SETDB2: variants seen among roughly 807,000 people sequenced by gnomAD.
SETDB2 encodes histone-lysine N-methyltransferase SETDB2.
SETDB2 carries 56 observed loss-of-function variants against 82.5 expected under a neutral mutation model. The ratio of observed to expected loss-of-function variants is 0.68; its 90% CI spans 0.55 to 0.85. The LOEUF is 0.85. SETDB2 is among the 40% of genes least tolerant of loss of function. The pLI is 0.00. For missense variants in SETDB2, 677 were observed against 816.4 expected, an observed-to-expected ratio of 0.83 and a Z score of 2.08; for synonymous variants, 272 against 284.9, an observed-to-expected ratio of 0.95 and a Z score of 0.46.
intron 3 of SETDB2, 53 bp downstream of exon 3, chr13:49,460,285 A>G (rs2138856914): frequency 1.9e-6 from 3 of 1,559,812 alleles, no homozygotes; most frequent in African/African-American, 2.7e-5. Flanking sequence ...TTTCTCTCTG[A>G]CAGTACAGTA....
At chr13:49,466,540 T>C (rs564175462) in intron 4 of SETDB2, among the ~76,000 whole-genome samples, 8 of 152,158 alleles carry the variant, frequency 5.3e-5, no homozygotes, top group Non-Finnish European at 1.0e-4. Flanking sequence ...TCATGTTACA[T>C]GAGTCCTCTT....
intron 2 of SETDB2, among the ~76,000 whole-genome samples, chr13:49,455,462 G>A (rs75823857): frequency 6.6e-6 from 1 of 152,076 alleles, no homozygotes; most frequent in Non-Finnish European, 1.5e-5. Context: ...TAAAATATTG[G>A]CTCAGTGAAT....
chr13:49,487,240 T>A (rs1295174898), intron 11 of SETDB2, among the ~76,000 whole-genome samples: 1 of 152,208 alleles, frequency 6.6e-6, no homozygotes, highest in East Asian at 1.9e-4. Flanking sequence ...CAAGTATAAT[T>A]TCTTTGCGCC....
In SETDB2 at chr13:49,492,445, G is replaced by A. The variant is rs1461729236; in HGVS notation, c.*596G>A. On this transcript the variant is annotated 3_prime_UTR_variant, in exon 14 of 14. Transcript: ENST00000611815. ...GGGAGAGGGAGAAGCTCTTCTGTAA[G>A]TAAGATTCTGGCAAGCTCTTTGAAA... 6.5e-6 allele frequency: 1 copy of A among 152,752 alleles called. No homozygotes were observed. The highest frequency in any genetic ancestry group is 1.5e-5 in the Non-Finnish European group (1 of 68,478). 9.5% of individuals were successfully genotyped at this position (152,752 alleles called of 1,614,324 possible). A position where few individuals can be genotyped will look rare whatever the true frequency, so the allele number is the denominator to read the frequency against.
intron 5 of SETDB2, among the ~76,000 whole-genome samples, chr13:49,471,007 T>G (rs141485424): frequency 1.2e-4 from 17 of 142,152 alleles, no homozygotes; most frequent in African/African-American, 3.5e-4. Context: ...TCTCACTGTC[T>G]CGCTGGGTGG....
At chr13:49,482,425 C>A in intron 8 of SETDB2, 2 of 582,474 alleles carry the variant, frequency 3.4e-6, no homozygotes, top group Non-Finnish European at 4.3e-6. Context: ...TGGCTAGAGT[C>A]ATCTCTCTAA....
intron 4 of SETDB2, among the ~76,000 whole-genome samples, chr13:49,465,067 C>A (rs901600146): frequency 8.4e-6 from 1 of 119,048 alleles, no homozygotes; most frequent in South Asian, 2.7e-4. Flanking sequence ...GAGTGAGACC[C>A]TGTCTAAAAA....
chr13:49,454,275 C>T (rs1594131491), intron 2 of SETDB2, among the ~76,000 whole-genome samples: 1 of 152,168 alleles, frequency 6.6e-6, no homozygotes, highest in East Asian at 1.9e-4. Context: ...CAAAGTGGCA[C>T]ACGCCTATAT....
chr13:49,487,776 C>T (rs1046560419), intron 11 of SETDB2, among the ~76,000 whole-genome samples: 1 of 152,160 alleles, frequency 6.6e-6, no homozygotes, highest in African/African-American at 2.4e-5. Context: ...AGTAAAACAC[C>T]AAACACTAAT....
intron 5 of SETDB2, among the ~76,000 whole-genome samples, chr13:49,474,120 G>A (rs564293256): frequency 7.9e-5 from 12 of 152,318 alleles, no homozygotes; most frequent in Admixed American, 4.6e-4. Context: ...AAATTAGCTG[G>A]ATGTGGTGGC....
intron 11 of SETDB2, among the ~76,000 whole-genome samples, chr13:49,486,177 C>T (rs1261008520): frequency 2.0e-5 from 3 of 151,898 alleles, no homozygotes; most frequent in African/African-American, 7.3e-5. Flanking sequence ...TGGTGGTGCA[C>T]ACCTGAGGTC....
chr13:49,455,653 G>A (rs908997552), intron 2 of SETDB2, among the ~76,000 whole-genome samples: 1 of 151,966 alleles, frequency 6.6e-6, no homozygotes, highest in East Asian at 1.9e-4. Flanking sequence ...TTTGTCATTA[G>A]CAAGAAATAT....
Position 49,482,808 on chromosome 13 carries a change from A to G in SETDB2, c.1228A>G (p.Met410Val), listed in dbSNP as rs778526695. 1.4e-5 allele frequency: 23 copies of G among 1,612,174 alleles called. No individual in the cohort carries two copies. The highest frequency in any genetic ancestry group is 1.7e-4 in the Middle Eastern group (1 of 6,038). Reference protein sequence around the residue: ...IDENGRDENTMKNIFSKKRKL... With the variant: ...IDENGRDENTVKNIFSKKRKL... ...TGAAAACGGGAGAGATGAGAATACT[A>G]TGAAAAATATATTTTCAAAAAAGAG... The change falls in exon 9 of 14, where the codon ATG (methionine) becomes GTG (valine). Residue 410 changes from methionine to valine, a missense_variant. This residue lies in a region of SETDB2 where 420 missense variants were observed against 554.6 expected (regional missense o/e 0.76). Transcript: ENST00000611815.
At chr13:49,460,499 A>G (rs1457605957) in intron 3 of SETDB2, among the ~76,000 whole-genome samples, 2 of 152,172 alleles carry the variant, frequency 1.3e-5, no homozygotes, top group Non-Finnish European at 2.9e-5. Flanking sequence ...ATTATTCCAC[A>G]TTCAGAGACA....
chr13:49,444,552 T>G lies in SETDB2; in HGVS notation c.-647T>G, dbSNP rs890453641. On this transcript the variant is annotated 5_prime_UTR_variant, in exon 1 of 14. Transcript: ENST00000611815. ...CGTGGCTGGCCCCCGACAGTTCCTC[T>G]AGCCGGGAGGTTGGAGGAGCTGAAA... The G allele has an allele frequency of 6.4e-6, 1 of 157,026 alleles. No homozygotes were observed. The highest frequency in any genetic ancestry group is 2.4e-5 in the African/African-American group (1 of 41,434). The allele number at this position is 157,026 out of a possible 1,614,324, so 9.7% of individuals were successfully genotyped here.
At chr13:49,455,924 A>G (rs1957873333) in intron 2 of SETDB2, among the ~76,000 whole-genome samples, 2 of 152,098 alleles carry the variant, frequency 1.3e-5, no homozygotes, top group African/African-American at 4.8e-5. Context: ...CTTAGATGAA[A>G]TTGGTGGTGA....
chr13:49,469,199 A>C (rs1426125199), intron 5 of SETDB2, among the ~76,000 whole-genome samples: 1 of 152,154 alleles, frequency 6.6e-6, no homozygotes, highest in Non-Finnish European at 1.5e-5. Context: ...CATTATGGTC[A>C]CTGAAAACAA....
intron 6 of SETDB2, among the ~76,000 whole-genome samples, chr13:49,478,556 AG>A (rs1301247386): frequency 1.3e-5 from 2 of 152,236 alleles, no homozygotes; most frequent in Non-Finnish European, 1.5e-5. Context: ...CCCGACAAGT[AG>A]AGAGAATTAA....
Position 49,491,929 on chromosome 13 carries a change from A to G in SETDB2, c.*80A>G. On this transcript the variant is annotated 3_prime_UTR_variant, in exon 14 of 14. Transcript: ENST00000611815. ...ATGCAAAAGAAGGTCTAGGTCCATC[A>G]AGGAAATTCCCCTCCGTTTTCCTTT... 2.1e-6 allele frequency: 2 copies of G among 953,214 alleles called. No individual in the cohort carries two copies. Among genetic ancestry groups the G allele is most frequent in the Non-Finnish European group, 3.4e-6 (2 of 584,368 alleles). The allele number at this position is 953,214 out of a possible 1,614,324, so 59.0% of individuals were successfully genotyped here.
Sources: gnomAD v4.1 joint callset for allele counts (sites outside exome capture counted in the v4.1 genomes callset) on GRCh38, gnomAD v4.1.1 for gene constraint, gnomAD v4.1.1 regional missense constraint, MANE v1.5 for transcripts, NCBI Gene and HGNC (gene_info 2026-07-23, HGNC 2026-07-21) for gene names.